MSI2: variants seen among roughly 807,000 people sequenced by gnomAD.
MSI2 encodes the protein musashi RNA binding protein 2.
Under a neutral mutation model 45.6 loss-of-function variants are expected in MSI2, and 17 were observed. The ratio of observed to expected loss-of-function variants is 0.37; its 90% CI spans 0.26 to 0.56. MSI2 has a LOEUF of 0.56. Among genes scored for constraint, MSI2 ranks in the 20% least tolerant of loss-of-function variants. The pLI is 0.77. For missense variants in MSI2, 293 were observed against 444.2 expected (o/e 0.66, Z 3.06); for synonymous variants, 156 against 158.2 (o/e 0.99, Z 0.11).
chr17:57,532,249 A>T (rs1421383219), intron 7 of MSI2: 1 of 152,328 alleles, frequency 6.6e-6, no homozygotes, highest in Non-Finnish European at 1.5e-5. Context: ...AGGGCCTCCT[A>T]TTCAAAGATG....
At chr17:57,272,014 G>T (rs1908421583) in intron 5 of MSI2, among the ~76,000 whole-genome samples, 1 of 152,130 alleles carries the variant, frequency 6.6e-6, no homozygotes, top group East Asian at 1.9e-4. Context: ...AAAATGTGAT[G>T]CTGAGTGACA....
intron 10 of MSI2, among the ~76,000 whole-genome samples, chr17:57,649,801 A>G (rs761536083): frequency 4.5e-4 from 68 of 152,202 alleles, no homozygotes; most frequent in Non-Finnish European, 7.6e-4. Context: ...GCTGTGCAGG[A>G]TGCTGGTGCA....
chr17:57,276,034 A>G (rs1908815160), intron 5 of MSI2, among the ~76,000 whole-genome samples: 1 of 152,136 alleles, frequency 6.6e-6, no homozygotes. Flanking sequence ...GCTGTTTAGC[A>G]CAGTCTTGGA....
intron 5 of MSI2, among the ~76,000 whole-genome samples, chr17:57,358,613 G>C (rs1252652350): frequency 6.6e-6 from 1 of 152,146 alleles, no homozygotes; most frequent in Non-Finnish European, 1.5e-5. Flanking sequence ...AGGTTTGTTA[G>C]ATCAAAGCTT....
chr17:57,532,097 A>G (rs2086833407), intron 7 of MSI2: 1 of 152,412 alleles, frequency 6.6e-6, no homozygotes, highest in Non-Finnish European at 1.5e-5. Flanking sequence ...GAGCGTGGGC[A>G]GGGCCTTGGT....
At chr17:57,674,246 C>T (rs927624477) in intron 11 of MSI2, among the ~76,000 whole-genome samples, 23 of 30,428 alleles carry the variant, frequency 7.6e-4, no homozygotes, top group African/African-American at 2.5e-3. Context: ...ATGGGAAGGG[C>T]GGGAAGGGAG....
chr17:57,320,462 A>C (rs1913241841), intron 5 of MSI2, among the ~76,000 whole-genome samples: 1 of 152,142 alleles, frequency 6.6e-6, no homozygotes, highest in African/African-American at 2.4e-5. Context: ...GAGGATTGTT[A>C]GGTATGCTGG....
At chr17:57,285,623 A>G (rs2143415012) in intron 5 of MSI2, among the ~76,000 whole-genome samples, 1 of 152,284 alleles carries the variant, frequency 6.6e-6, no homozygotes, top group Non-Finnish European at 1.5e-5. Flanking sequence ...TCCGGCCCCC[A>G]CAGTCATGCC....
intron 5 of MSI2, chr17:57,274,612 C>T (rs1908687320): frequency 6.6e-6 from 1 of 152,220 alleles, no homozygotes; most frequent in Non-Finnish European, 1.5e-5. Flanking sequence ...CTGCTGTCTT[C>T]TGCCTTACGT....
intron 5 of MSI2, among the ~76,000 whole-genome samples, chr17:57,314,797 C>T (rs1026221228): frequency 1.3e-5 from 2 of 152,122 alleles, no homozygotes; most frequent in African/African-American, 4.8e-5. Flanking sequence ...GTCTCGATCT[C>T]CTGACTTTGT....
intron 6 of MSI2, among the ~76,000 whole-genome samples, chr17:57,403,271 T>C (rs886231026): frequency 2.0e-5 from 3 of 152,252 alleles, no homozygotes; most frequent in Admixed American, 6.5e-5. Context: ...GGTTTCTTTC[T>C]GTCTCTCTCT....
chr17:57,402,015 C>A (rs1020799005), intron 6 of MSI2, among the ~76,000 whole-genome samples: 7 of 152,200 alleles, frequency 4.6e-5, no homozygotes, highest in Non-Finnish European at 8.8e-5. Flanking sequence ...AGTAAAATTA[C>A]CCCCTGGGCT....
intron 6 of MSI2, among the ~76,000 whole-genome samples, chr17:57,510,813 A>G (rs115625314): frequency 2.3e-4 from 35 of 152,334 alleles, no homozygotes; most frequent in African/African-American, 8.2e-4. Context: ...ACCTTTTAGA[A>G]AATAGGCTTA....
At chr17:57,583,928 AG>A (rs1340248622) in intron 7 of MSI2, among the ~76,000 whole-genome samples, 1 of 152,216 alleles carries the variant, frequency 6.6e-6, no homozygotes, top group East Asian at 1.9e-4. Context: ...CTCACTACTG[AG>A]AAGCAGTGTT....
At chr17:57,467,156 C>T (rs970579255) in intron 6 of MSI2, among the ~76,000 whole-genome samples, 3 of 152,206 alleles carry the variant, frequency 2.0e-5, no homozygotes, top group Non-Finnish European at 4.4e-5. Context: ...ATAAACAAAC[C>T]TCTTATTGAC....
At chr17:57,353,915 T>C (rs1916226373) in intron 5 of MSI2, among the ~76,000 whole-genome samples, 1 of 152,164 alleles carries the variant, frequency 6.6e-6, no homozygotes, top group Non-Finnish European at 1.5e-5. Context: ...TATTTTAGGC[T>C]TTCAGGGATC....
chr17:57,493,320 T>C (rs1296350092), intron 6 of MSI2, among the ~76,000 whole-genome samples: 1 of 152,176 alleles, frequency 6.6e-6, no homozygotes, highest in Non-Finnish European at 1.5e-5. Flanking sequence ...GGATTTCTGA[T>C]CTGTCTCTGA....
chr17:57,576,106 G>C (rs1338763235), intron 7 of MSI2, among the ~76,000 whole-genome samples: 4 of 152,182 alleles, frequency 2.6e-5, no homozygotes, highest in Admixed American at 2.6e-4. Context: ...CAGACACTGT[G>C]GGAAGGCCAT....
intron 10 of MSI2, among the ~76,000 whole-genome samples, chr17:57,643,329 C>T (rs1910394106): frequency 6.6e-6 from 1 of 152,218 alleles, no homozygotes; most frequent in Non-Finnish European, 1.5e-5. Flanking sequence ...GTTGTGGAGA[C>T]AGGTTGAGGT....
Sources: gnomAD v4.1 joint callset for allele counts (sites outside exome capture counted in the v4.1 genomes callset) on GRCh38, gnomAD v4.1.1 for gene constraint, MANE v1.5 for transcripts, NCBI Gene and HGNC (gene_info 2026-07-23, HGNC 2026-07-21) for gene names.